Variants in SRBD1 observed in about 807,000 individuals in gnomAD.
SRBD1 encodes the protein S1 RNA-binding domain-containing protein 1.
In SRBD1, 88 loss-of-function variants were observed where a neutral mutation model predicts 115.3. That is an observed-to-expected ratio of 0.76 (90% confidence interval 0.64 to 0.91). The LOEUF is 0.91. SRBD1 is among the 40% of genes least tolerant of loss of function. The pLI, the probability that SRBD1 is intolerant of heterozygous loss-of-function variation, is 0.00. For synonymous variants in SRBD1, 509 were observed against 407.7 expected (o/e 1.25, Z -2.99); for missense variants, 1,385 against 1,177.4 (o/e 1.18, Z -2.58).
intron 12 of SRBD1, among the ~76,000 whole-genome samples, chr2:45,548,326 C>A (rs970426963): frequency 6.6e-6 from 1 of 151,492 alleles, no homozygotes; most frequent in Non-Finnish European, 1.5e-5. Context: ...ATACTTTTAG[C>A]AATACCAATC....
chr2:45,584,268 G>T (rs945249918), intron 5 of SRBD1, among the ~76,000 whole-genome samples: 1 of 152,188 alleles, frequency 6.6e-6, no homozygotes, highest in African/African-American at 2.4e-5. Context: ...TACTGGAGAC[G>T]AGCAAGGGTT....
At chr2:45,490,661 A>T (rs976161571) in intron 14 of SRBD1, among the ~76,000 whole-genome samples, 1 of 152,174 alleles carries the variant, frequency 6.6e-6, no homozygotes, top group African/African-American at 2.4e-5. Context: ...AAAAATTCCA[A>T]TTAACTGTGG....
At chr2:45,584,504 T>C (rs1040211919) in intron 5 of SRBD1, among the ~76,000 whole-genome samples, 1 of 152,208 alleles carries the variant, frequency 6.6e-6, no homozygotes, top group Admixed American at 6.5e-5. Context: ...GAGATGCAAG[T>C]TCCCCCAAAA....
At chr2:45,489,879 C>A (rs719441) in intron 14 of SRBD1, among the ~76,000 whole-genome samples, 126,869 of 152,066 alleles carry the variant, frequency 0.83, 53,590 homozygotes, top group African/African-American at 0.93. Context: ...GCCAAACAAC[C>A]AACGCAACAT....
chr2:45,420,220 C>T (rs1049070134), intron 16 of SRBD1, among the ~76,000 whole-genome samples: 2 of 152,176 alleles, frequency 1.3e-5, no homozygotes, highest in Admixed American at 6.5e-5. Flanking sequence ...CATCCAGATT[C>T]CTGATTCAGT....
rs901755427 is a variant in SRBD1 at position 45,421,242 on chromosome 2, T to G, written c.2050-1348A>C. Among the ~76,000 whole-genome samples, 9 of 152,152 alleles carry G rather than the reference T, an allele frequency of 5.9e-5. No individual in the cohort carries two copies. In the South Asian group the frequency reaches 1.7e-3, roughly 28 times the overall value. ...TCAGAAAATGGCCAGGCGTGGTGGC[T>G]CACGCCTGTAATCTCAGCACTTTGG... is the stretch of plus-strand genomic sequence containing the variant. On this transcript the variant is annotated intron_variant, in intron 16 of 20. Coordinates refer to ENST00000263736, the MANE Select transcript of SRBD1 (RefSeq NM_018079.5).
In SRBD1 at chr2:45,389,316, C is replaced by A. The variant is rs1279319666; in HGVS notation, c.2982G>T (p.Val994=). ...RSRITLDLIR[V]L is the part of the protein sequence containing the mutation. ...TCTGGCCTTCGTGGGATACTCATAA[C>A]ACCCGAATGAGGTCCAGAGTAATCC... Residue 994 remains valine, a synonymous_variant, in exon 21 of 21, where the codon GTG becomes GTT. Transcript: ENST00000263736. The A allele has an allele frequency of 3.1e-6, 5 of 1,612,892 alleles. No individual in the cohort carries two copies. The African/African-American group carries it at 6.7e-5, about 22-fold the overall frequency.
chr2:45,442,058 G>A lies in SRBD1; in HGVS notation c.2050-22164C>T, dbSNP rs116080270. Among the ~76,000 whole-genome samples, 617 of 152,208 alleles carry A rather than the reference G, an allele frequency of 4.1e-3. 6 individuals are homozygous for A. Among genetic ancestry groups the A allele is most frequent in the African/African-American group, 0.014 (566 of 41,514 alleles). On this transcript the variant is annotated intron_variant, in intron 16 of 20. Coordinates refer to ENST00000263736, the MANE Select transcript of SRBD1 (RefSeq NM_018079.5). ...GGAACTCAAAACTTAAGCTTCTGTC[G>A]CTTCAAACATGAACTAAAGTACAGC...
chr2:45,539,319 G>A (rs1341865176), intron 14 of SRBD1, among the ~76,000 whole-genome samples: 2 of 151,966 alleles, frequency 1.3e-5, no homozygotes, highest in East Asian at 3.9e-4. Flanking sequence ...TGAACCAAGT[G>A]CATTTTATTT....
intron 9 of SRBD1, among the ~76,000 whole-genome samples, chr2:45,570,026 C>G (rs1392572443): frequency 1.3e-5 from 2 of 152,204 alleles, no homozygotes; most frequent in Non-Finnish European, 2.9e-5. Flanking sequence ...CAGCCTGCCA[C>G]CTGTTTTTGT....
intron 14 of SRBD1, among the ~76,000 whole-genome samples, chr2:45,505,467 T>C (rs1157119881): frequency 6.6e-6 from 1 of 152,132 alleles, no homozygotes; most frequent in Non-Finnish European, 1.5e-5. Context: ...GGCTCTCACA[T>C]AAGGGAAAAT....
intron 19 of SRBD1, among the ~76,000 whole-genome samples, chr2:45,410,731 C>T (rs574183155): frequency 6.6e-6 from 1 of 152,244 alleles, no homozygotes; most frequent in African/African-American, 2.4e-5. Context: ...GGCTGAAGGT[C>T]GAGTTGATCA....
At chr2:45,577,148 C>G (rs1297314274) in intron 7 of SRBD1, among the ~76,000 whole-genome samples, 3 of 152,134 alleles carry the variant, frequency 2.0e-5, no homozygotes, top group Non-Finnish European at 4.4e-5. Flanking sequence ...AGCAGTGGTT[C>G]TCAATGGGAG....
intron 15 of SRBD1, among the ~76,000 whole-genome samples, chr2:45,481,263 G>A (rs550757574): frequency 7.9e-5 from 12 of 152,144 alleles, no homozygotes; most frequent in South Asian, 2.1e-4. Context: ...GCTTTAGAGA[G>A]AGATGGTGCT....
Position 45,574,701 on chromosome 2 carries a change from A to G in SRBD1, c.1095T>C (p.Ile365=), listed in dbSNP as rs1444136851. Residue 365 remains isoleucine, a synonymous_variant, in exon 8 of 21, where the codon ATT becomes ATC. Coordinates refer to ENST00000263736, the MANE Select transcript of SRBD1 (RefSeq NM_018079.5). ...CTAAAATATGCTGCACTCCTATTTCAATATCCTGAAGCGTTGAAAGCCCTT... is the reference window on the plus strand; with the variant it reads ...CTAAAATATGCTGCACTCCTATTTCGATATCCTGAAGCGTTGAAAGCCCTT... ...DVKGLSTLQD[I]EIGVQHILAD... is the part of the protein sequence containing the mutation. 1.2e-6 allele frequency: 2 copies of G among 1,613,480 alleles called. No homozygotes were observed. Among genetic ancestry groups the G allele is most frequent in the African/African-American group, 2.7e-5 (2 of 74,894 alleles).
At chr2:45,410,289 G>T (rs1013424491) in intron 19 of SRBD1, among the ~76,000 whole-genome samples, 4 of 152,200 alleles carry the variant, frequency 2.6e-5, no homozygotes, top group Non-Finnish European at 5.9e-5. Context: ...CATGGTGAAA[G>T]TGTAAAATGT....
intron 4 of SRBD1, among the ~76,000 whole-genome samples, chr2:45,592,903 G>A (rs769474910): frequency 1.3e-5 from 2 of 152,106 alleles, no homozygotes; most frequent in African/African-American, 4.8e-5. Context: ...GTTTAATAAC[G>A]TGTGTTTGAG....
At chr2:45,552,079 C>A (rs6710581) in intron 11 of SRBD1, among the ~76,000 whole-genome samples, 55,065 of 151,970 alleles carry the variant, frequency 0.36, 10,966 homozygotes, top group Non-Finnish European at 0.46. Context: ...CAATGTAGAA[C>A]TGATGACAGA....
chr2:45,521,139 G>A (rs1387291954), intron 14 of SRBD1, among the ~76,000 whole-genome samples: 1 of 152,042 alleles, frequency 6.6e-6, no homozygotes, highest in East Asian at 1.9e-4. Context: ...CCTGTCGCAC[G>A]TCCTGCAAGG....
Sources: allele counts gnomAD v4.1 joint callset (sites outside exome capture counted in the v4.1 genomes callset), GRCh38; gene constraint gnomAD v4.1.1; transcripts MANE v1.5; gene names NCBI Gene and HGNC (gene_info 2026-07-23, HGNC 2026-07-21).